FSTL5: variants seen among roughly 807,000 people sequenced by gnomAD.
FSTL5 encodes follistatin-related protein 5.
A neutral mutation model predicts 89.1 loss-of-function variants in FSTL5; 62 were observed. The observed-to-expected ratio is 0.70, with a 90% CI of 0.57 to 0.86. The LOEUF (loss-of-function observed/expected upper bound fraction) is 0.86. Ranked by LOEUF, FSTL5 falls within the 40% of genes least tolerant of loss-of-function variation. The probability of loss-of-function intolerance (pLI) is 0.00; values close to 1 mark genes in which losing one functional copy is unlikely to be tolerated. For missense variants in FSTL5, 1,057 were observed against 1,001.6 expected, an observed-to-expected ratio of 1.06 and a Z score of -0.75; for synonymous variants, 383 against 346.2, an observed-to-expected ratio of 1.11 and a Z score of -1.18.
intron 8 of FSTL5, among the ~76,000 whole-genome samples, chr4:161,574,679 A>G (rs1309196112): frequency 6.6e-6 from 1 of 152,180 alleles, no homozygotes; most frequent in Non-Finnish European, 1.5e-5. Context: ...ATGTCCCTGC[A>G]AAGGACATTA....
At chr4:161,576,351 G>A (rs769380810) in intron 8 of FSTL5, among the ~76,000 whole-genome samples, 4 of 152,008 alleles carry the variant, frequency 2.6e-5, no homozygotes, top group African/African-American at 4.8e-5. Context: ...AAAAAGAGCC[G>A]ATATAGCCAA....
intron 14 of FSTL5, among the ~76,000 whole-genome samples, 175 bp from the exon 15 acceptor site, chr4:161,455,303 T>C (rs568056080): frequency 4.6e-5 from 7 of 152,200 alleles, no homozygotes; most frequent in Admixed American, 3.3e-4. Flanking sequence ...GTTTTGCTTA[T>C]TTTCAATATA....
chr4:162,022,508 A>G (rs1238135942), intron 3 of FSTL5, among the ~76,000 whole-genome samples: 1 of 152,136 alleles, frequency 6.6e-6, no homozygotes, highest in East Asian at 1.9e-4. Context: ...CAAATTAGAA[A>G]GATTGCCATA....
chr4:161,998,465 A>G (rs1186486132), intron 3 of FSTL5, among the ~76,000 whole-genome samples: 1 of 152,134 alleles, frequency 6.6e-6, no homozygotes, highest in East Asian at 1.9e-4. Context: ...CCCCTTTAGG[A>G]AGACTCTCCT....
At chr4:161,442,475 T>C (rs1338735912) in intron 15 of FSTL5, among the ~76,000 whole-genome samples, 2 of 152,136 alleles carry the variant, frequency 1.3e-5, no homozygotes, top group Non-Finnish European at 2.9e-5. Context: ...TATGGTATTA[T>C]TCAGGTGGCT....
chr4:161,980,280 AG>A (rs1264550350), intron 3 of FSTL5, among the ~76,000 whole-genome samples: 3 of 144,620 alleles, frequency 2.1e-5, no homozygotes, highest in Non-Finnish European at 4.6e-5. Context: ...AAAGAAAGAA[AG>A]AAAGAAAGAG....
At chr4:161,437,525 C>CCA (rs1732602874) in intron 15 of FSTL5, among the ~76,000 whole-genome samples, 1 of 126,910 alleles carries the variant, frequency 7.9e-6, no homozygotes, top group Admixed American at 9.0e-5. Context: ...AGAGATGGCG[C>CCA]CACCGCACTC....
At chr4:161,456,217 T>A (rs2126403511) in intron 14 of FSTL5, among the ~76,000 whole-genome samples, 1 of 152,300 alleles carries the variant, frequency 6.6e-6, no homozygotes, top group South Asian at 2.1e-4. Flanking sequence ...AATTGTGAAA[T>A]TTGTGGATTA....
chr4:161,409,520 T>C (rs941844120), intron 15 of FSTL5, among the ~76,000 whole-genome samples: 1 of 152,080 alleles, frequency 6.6e-6, no homozygotes, highest in African/African-American at 2.4e-5. Context: ...TAGCTGGGAT[T>C]ACAGACATGT....
At chr4:162,093,089 T>C (rs1256948908) in intron 2 of FSTL5, among the ~76,000 whole-genome samples, 1 of 151,116 alleles carries the variant, frequency 6.6e-6, no homozygotes, top group Non-Finnish European at 1.5e-5. Flanking sequence ...AAAGACAAAA[T>C]TACAAGAAAA....
intron 6 of FSTL5, among the ~76,000 whole-genome samples, chr4:161,675,978 G>A (rs1006368669): frequency 1.3e-5 from 2 of 152,046 alleles, no homozygotes; most frequent in South Asian, 4.1e-4. Flanking sequence ...TGATACAATT[G>A]TAGGAAACGA....
intron 4 of FSTL5, among the ~76,000 whole-genome samples, chr4:161,853,475 C>T (rs1201389277): frequency 1.3e-5 from 2 of 151,974 alleles, no homozygotes; most frequent in Admixed American, 1.3e-4. Flanking sequence ...ATCATGTTGG[C>T]CAGGCTTGTC....
intron 12 of FSTL5, among the ~76,000 whole-genome samples, chr4:161,491,031 T>C (rs1729854276): frequency 6.6e-6 from 1 of 152,036 alleles, no homozygotes; most frequent in Admixed American, 6.6e-5. Context: ...AAAGGCACGT[T>C]ATCTTTGTCC....
At chr4:161,645,101 G>T (rs1736107470) in intron 7 of FSTL5, among the ~76,000 whole-genome samples, 1 of 151,982 alleles carries the variant, frequency 6.6e-6, no homozygotes, top group South Asian at 2.1e-4. Flanking sequence ...CAAATTGCAA[G>T]TAGAACTTAA....
At chr4:161,957,049 G>T (rs1054117470) in intron 3 of FSTL5, among the ~76,000 whole-genome samples, 6 of 151,914 alleles carry the variant, frequency 3.9e-5, no homozygotes, top group Non-Finnish European at 8.8e-5. Context: ...AAAGTGAGTA[G>T]TTAGGTAAAA....
intron 2 of FSTL5, among the ~76,000 whole-genome samples, chr4:162,063,479 C>T (rs1013676072): frequency 2.0e-5 from 3 of 151,718 alleles, no homozygotes; most frequent in African/African-American, 7.3e-5. Flanking sequence ...ATTCTTTGTA[C>T]TGAAATGAAA....
intron 3 of FSTL5, among the ~76,000 whole-genome samples, chr4:161,923,757 A>G (rs1439852897): frequency 1.3e-5 from 2 of 151,706 alleles, no homozygotes; most frequent in South Asian, 4.1e-4. Flanking sequence ...GTTGGTCACA[A>G]TATTTCCCAT....
chr4:161,780,635 T>G (rs1225373991), intron 4 of FSTL5, among the ~76,000 whole-genome samples: 1 of 152,196 alleles, frequency 6.6e-6, no homozygotes, highest in Non-Finnish European at 1.5e-5. Flanking sequence ...AAAATCCATC[T>G]GGCCTTGTGG....
At chr4:161,592,068 T>A (rs954918764) in intron 7 of FSTL5, among the ~76,000 whole-genome samples, 2 of 151,678 alleles carry the variant, frequency 1.3e-5, no homozygotes, top group East Asian at 3.9e-4. Flanking sequence ...ACAAAAGAGG[T>A]CAAATACACT....
Sources: allele counts gnomAD v4.1 joint callset (sites outside exome capture counted in the v4.1 genomes callset), GRCh38; gene constraint gnomAD v4.1.1; transcripts MANE v1.5; gene names NCBI Gene and HGNC (gene_info 2026-07-23, HGNC 2026-07-21).